The following ACYP2 variants were observed in gnomAD, a reference collection of about 807,000 sequenced individuals.
ACYP2 encodes acylphosphatase-2.
ACYP2 carries 12 observed loss-of-function variants against 11.2 expected under a neutral mutation model. The observed-to-expected ratio is 1.08, with a 90% CI of 0.69 to 1.74. The LOEUF is 1.74. Among genes scored for constraint, ACYP2 ranks in the 40% most tolerant of loss-of-function variants. The pLI is 0.00. For missense variants in ACYP2, 134 were observed against 101.9 expected, an observed-to-expected ratio of 1.31 and a Z score of -1.35; for synonymous variants, 43 against 32.2, an observed-to-expected ratio of 1.33 and a Z score of -1.13.
intron 4 of ACYP2, among the ~76,000 whole-genome samples, chr2:54,075,503 T>TAAA (rs56893194): frequency 1.7e-5 from 2 of 120,386 alleles, no homozygotes; most frequent in Admixed American, 8.0e-5. Context: ...GTCTCAAAAT[T>TAAA]AAAAAAAAAA....
At chr2:54,176,849 C>T (rs1362740222) in intron 6 of ACYP2, among the ~76,000 whole-genome samples, 1 of 152,186 alleles carries the variant, frequency 6.6e-6, no homozygotes, top group African/African-American at 2.4e-5. Flanking sequence ...GTTTGGACAA[C>T]TCTGAAGGGC....
chr2:54,122,388 A>G (rs1190867151), intron 4 of ACYP2, among the ~76,000 whole-genome samples: 2 of 152,182 alleles, frequency 1.3e-5, no homozygotes, highest in East Asian at 3.9e-4. Flanking sequence ...ACTGAGCAGC[A>G]TATCGTGCTG....
intron 6 of ACYP2, among the ~76,000 whole-genome samples, chr2:54,148,494 T>C (rs1682001746): frequency 1.3e-5 from 2 of 152,232 alleles, no homozygotes; most frequent in South Asian, 2.1e-4. Flanking sequence ...TACTATGTTA[T>C]GACCCATATG....
chr2:54,048,682 A>G (rs986894245), intron 2 of ACYP2, among the ~76,000 whole-genome samples: 2 of 152,218 alleles, frequency 1.3e-5, no homozygotes, highest in Non-Finnish European at 2.9e-5. Flanking sequence ...TTTTAAGTGT[A>G]TAGTTCAGTA....
intron 2 of ACYP2, among the ~76,000 whole-genome samples, chr2:53,977,620 A>G (rs1317448168): frequency 6.6e-6 from 1 of 151,838 alleles, no homozygotes; most frequent in Non-Finnish European, 1.5e-5. Context: ...CTGTAATCCC[A>G]GCTACTCAGG....
intron 2 of ACYP2, among the ~76,000 whole-genome samples, chr2:54,015,185 G>T (rs1355115599): frequency 6.6e-6 from 1 of 151,452 alleles, no homozygotes; most frequent in African/African-American, 2.4e-5. Context: ...TGGGCAACAT[G>T]GTGAAAACCT....
In ACYP2 at chr2:54,187,060, C is replaced by A. The variant is rs547121652; in HGVS notation, c.404+48312C>A. ...GGAAAATAATAGTCTTAAAAGCTAG[C>A]CTTGCCTCTAATTTCCAAGAATTCT... On this transcript the variant is annotated intron_variant, in intron 6 of 6. Coordinates refer to ENST00000607452, the MANE Select transcript of ACYP2 (RefSeq NM_001320586.2). 2.0e-5 allele frequency among the ~76,000 whole-genome samples: 3 copies of A among 152,016 alleles called. No homozygotes were observed. The South Asian group carries it at 6.2e-4, about 32-fold the overall frequency.
At chr2:54,086,873 A>G (rs1677976379) in intron 4 of ACYP2, among the ~76,000 whole-genome samples, 1 of 152,252 alleles carries the variant, frequency 6.6e-6, no homozygotes, top group Admixed American at 6.5e-5. Context: ...TTTGTAAATT[A>G]TAATTCTGGG....
intron 6 of ACYP2, among the ~76,000 whole-genome samples, chr2:54,274,554 A>G (rs1466133809): frequency 6.7e-6 from 1 of 149,470 alleles, no homozygotes; most frequent in African/African-American, 2.5e-5. Flanking sequence ...TTGAGCCTGA[A>G]AGGCCAAGGC....
intron 4 of ACYP2, among the ~76,000 whole-genome samples, chr2:54,076,693 T>C (rs1677360851): frequency 6.6e-6 from 1 of 152,178 alleles, no homozygotes. Flanking sequence ...GAAGAACTCA[T>C]AGACCTGGAG....
At chr2:54,177,831 C>T (rs570065927) in intron 6 of ACYP2, among the ~76,000 whole-genome samples, 13 of 151,830 alleles carry the variant, frequency 8.6e-5, no homozygotes, top group Admixed American at 7.2e-4. Flanking sequence ...CGCCCCCACT[C>T]GGCCTCCCAG....
At chr2:54,102,219 A>G (rs1349780802) in intron 4 of ACYP2, among the ~76,000 whole-genome samples, 2 of 152,188 alleles carry the variant, frequency 1.3e-5, no homozygotes, top group Non-Finnish European at 2.9e-5. Context: ...GGGTATTACT[A>G]TTTTTAATGT....
intron 6 of ACYP2, among the ~76,000 whole-genome samples, chr2:54,188,262 C>G (rs998755589): frequency 2.6e-5 from 4 of 152,088 alleles, no homozygotes; most frequent in African/African-American, 9.7e-5. Context: ...TTACTTAAAA[C>G]ACACTCTTTA....
chr2:54,294,264 C>T (rs11690064), intron 6 of ACYP2, among the ~76,000 whole-genome samples: 5,844 of 152,232 alleles, frequency 0.038, 149 homozygotes, highest in South Asian at 0.091. Context: ...GAGCTTACTA[C>T]ACAGGAAATA....
chr2:54,147,030 A>G (rs1404337282), intron 6 of ACYP2, among the ~76,000 whole-genome samples: 1 of 151,976 alleles, frequency 6.6e-6, no homozygotes, highest in Non-Finnish European at 1.5e-5. Flanking sequence ...TCCTGACCTC[A>G]GGTGATCTGC....
intron 6 of ACYP2, among the ~76,000 whole-genome samples, chr2:54,248,755 T>C (rs979270585): frequency 2.0e-5 from 3 of 152,060 alleles, no homozygotes; most frequent in Non-Finnish European, 2.9e-5. Flanking sequence ...GAACTTAAAA[T>C]TGAGTGACAA....
At chr2:54,085,875 G>GTATA (rs150582797) in intron 4 of ACYP2, among the ~76,000 whole-genome samples, 4 of 151,502 alleles carry the variant, frequency 2.6e-5, no homozygotes, top group African/African-American at 9.7e-5. Context: ...GGAAAAATAT[G>GTATA]TATATATATA....
chr2:53,984,496 G>A (rs1267675031), intron 2 of ACYP2, among the ~76,000 whole-genome samples: 1 of 151,670 alleles, frequency 6.6e-6, no homozygotes, highest in Non-Finnish European at 1.5e-5. Context: ...ATAATCTCTT[G>A]AACCGGGGGG....
At chr2:54,009,036 C>G (rs1558468680) in intron 2 of ACYP2, among the ~76,000 whole-genome samples, 2 of 151,606 alleles carry the variant, frequency 1.3e-5, no homozygotes, top group Non-Finnish European at 2.9e-5. Context: ...ACCTGTAATC[C>G]TAGCTACTCA....
Sources: gnomAD v4.1 joint callset for allele counts (sites outside exome capture counted in the v4.1 genomes callset) on GRCh38, gnomAD v4.1.1 for gene constraint, MANE v1.5 for transcripts, NCBI Gene and HGNC (gene_info 2026-07-23, HGNC 2026-07-21) for gene names.